Variants in LGR4 observed in about 807,000 individuals in gnomAD.
The protein encoded by LGR4 is leucine-rich repeat-containing G protein-coupled receptor 4.
LGR4 carries 44 observed loss-of-function variants against 84.8 expected under a neutral mutation model. That is an observed-to-expected ratio of 0.52 (90% CI 0.41 to 0.67). The LOEUF (loss-of-function observed/expected upper bound fraction) is 0.67, where lower values mean the gene tolerates loss of function less well. Among genes scored for constraint, LGR4 ranks in the 30% least tolerant of loss-of-function variants. The pLI is 0.00. For synonymous variants in LGR4, 429 were observed against 434.3 expected (o/e 0.99, Z 0.15); for missense variants, 1,032 against 1,131.4 (o/e 0.91, Z 1.26).
chr11:27,382,093 G>T, intron 7 of LGR4, 95 bp downstream of exon 7: 1 of 816,166 alleles, frequency 1.2e-6, no homozygotes, highest in Non-Finnish European at 2.1e-6. Flanking sequence ...ATGGATATAC[G>T]TAATGGAACA....
intron 1 of LGR4, among the ~76,000 whole-genome samples, chr11:27,428,139 C>G (rs1402355351): frequency 1.4e-5 from 2 of 145,464 alleles, no homozygotes; most frequent in East Asian, 4.0e-4. Context: ...ATCTTGCATT[C>G]TTTTTTTTTT....
intron 1 of LGR4, among the ~76,000 whole-genome samples, chr11:27,445,883 TA>T (rs5790653): frequency 0.013 from 1,932 of 146,484 alleles, 44 homozygotes; most frequent in African/African-American, 0.046. Flanking sequence ...TCTCAAAAAA[TA>T]AAAAAAAAAA....
At chr11:27,434,422 C>T (rs1160928228) in intron 1 of LGR4, among the ~76,000 whole-genome samples, 3 of 152,220 alleles carry the variant, frequency 2.0e-5, no homozygotes, top group Admixed American at 1.3e-4. Context: ...GTTTACATCT[C>T]ATTTCCCCTT....
rs950510099 is a variant in LGR4 at position 27,460,906 on chromosome 11, T to A, written c.185+11212A>T. ...AACATCTCAAACTTTTTTTTTTTTT[T>A]AAAGAAGGAGACCCAGGGTAGAAAA... On this transcript the variant is annotated intron_variant, in intron 1 of 17. Transcript: ENST00000379214. 2.0e-5 allele frequency among the ~76,000 whole-genome samples: 3 copies of A among 151,780 alleles called. No homozygotes were observed. In the East Asian group the frequency reaches 5.8e-4, roughly 29 times the overall value.
intron 1 of LGR4, among the ~76,000 whole-genome samples, chr11:27,440,979 T>C (rs1252099348): frequency 2.0e-5 from 3 of 152,190 alleles, no homozygotes; most frequent in Non-Finnish European, 4.4e-5. Context: ...CACAAAGCAC[T>C]TTTATGCTCG....
chr11:27,430,341 A>G (rs1864095104), intron 1 of LGR4, among the ~76,000 whole-genome samples: 1 of 152,188 alleles, frequency 6.6e-6, no homozygotes, highest in African/African-American at 2.4e-5. Flanking sequence ...CTCCACGTTA[A>G]CAGGGCTAAA....
intron 1 of LGR4, among the ~76,000 whole-genome samples, chr11:27,461,269 G>A (rs1389603536): frequency 1.3e-5 from 2 of 151,764 alleles, no homozygotes; most frequent in Non-Finnish European, 2.9e-5. Flanking sequence ...TTCAGAGGCT[G>A]AGGCAGGAGG....
chr11:27,459,882 G>T (rs960871573), intron 1 of LGR4, among the ~76,000 whole-genome samples: 1 of 151,958 alleles, frequency 6.6e-6, no homozygotes, highest in South Asian at 2.1e-4. Context: ...CCTGAGGTCA[G>T]GAGTTCGAGA....
intron 1 of LGR4, among the ~76,000 whole-genome samples, chr11:27,420,858 T>G (rs529374224): frequency 6.6e-6 from 1 of 152,142 alleles, no homozygotes; most frequent in Admixed American, 6.5e-5. Flanking sequence ...GTCAAAGAGA[T>G]AAAACCATCA....
chr11:27,470,924 AT>A (rs924994866), intron 1 of LGR4, among the ~76,000 whole-genome samples: 1 of 151,862 alleles, frequency 6.6e-6, no homozygotes, highest in African/African-American at 2.4e-5. Flanking sequence ...CTGCATAAAG[AT>A]TTCTTCACAG....
At chr11:27,380,420 C>T in intron 9 of LGR4, 81 bp from the exon 10 acceptor site, 1 of 983,642 alleles carries the variant, frequency 1.0e-6, no homozygotes, top group Non-Finnish European at 1.5e-6. Context: ...AATTACAGTG[C>T]AACTATAACT....
At chr11:27,447,071 ATATACCTAATG>A (rs1864403694) in intron 1 of LGR4, among the ~76,000 whole-genome samples, 1 of 152,040 alleles carries the variant, frequency 6.6e-6, no homozygotes, top group Admixed American at 6.6e-5. Context: ...GCATTAGGAG[ATATACCTAATG>A]TAAACGACAA....
At chr11:27,471,893 G>T (rs555891489) in intron 1 of LGR4, 9 of 341,516 alleles carry the variant, frequency 2.6e-5, no homozygotes, top group African/African-American at 1.9e-4. Context: ...GTCTGGGAAC[G>T]AAAGCTACTG....
intron 2 of LGR4, among the ~76,000 whole-genome samples, chr11:27,402,358 T>C (rs2133387648): frequency 6.6e-6 from 1 of 152,234 alleles, no homozygotes; most frequent in Middle Eastern, 3.4e-3. Flanking sequence ...CTGAATATTC[T>C]ATGTGGAGTG....
intron 2 of LGR4, among the ~76,000 whole-genome samples, chr11:27,399,612 T>C (rs969250250): frequency 4.3e-4 from 66 of 151,954 alleles, no homozygotes; most frequent in Admixed American, 5.9e-4. Context: ...CTCAGCCTCC[T>C]GGGTTCAAGC....
Position 27,382,177 on chromosome 11 carries a change from G to A in LGR4, c.758+11C>T. On this transcript the variant is annotated intron_variant, in intron 7 of 17. Coordinates refer to ENST00000379214, the MANE Select transcript of LGR4 (RefSeq NM_018490.5). The stretch of plus-strand genomic sequence containing the variant: ...GATATGAAGACATAAAGAGAATGAA[G>A]CAATACTCACAGCTCTTTAAGGCTA... 2 of 1,556,782 alleles carry A rather than the reference G, an allele frequency of 1.3e-6. No homozygotes were observed. The highest frequency in any genetic ancestry group is 8.9e-7 in the Non-Finnish European group (1 of 1,129,880).
chr11:27,384,419 A>G lies in LGR4; in HGVS notation c.618-12T>C, dbSNP rs776691629. The G allele has an allele frequency of 1.9e-6, 3 of 1,584,930 alleles. No homozygotes were observed. The highest frequency in any genetic ancestry group is 1.1e-5 in the South Asian group (1 of 89,662). On this transcript the variant is annotated splice_polypyrimidine_tract_variant and intron_variant, in intron 5 of 17. Transcript: ENST00000379214. ...TGTTATGAAGATGCCTAAGGGGGAA[A>G]AAAAGCATAAAATGACTTTTCCATC...
intron 13 of LGR4, among the ~76,000 whole-genome samples, chr11:27,374,717 A>G (rs1051706858): frequency 6.6e-6 from 1 of 152,162 alleles, no homozygotes; most frequent in Non-Finnish European, 1.5e-5. Context: ...AGGAAACTCA[A>G]CACACTTGGT....
chr11:27,380,837 T>C (rs1863078329), intron 8 of LGR4, 58 bp downstream of exon 8: 1 of 1,219,596 alleles, frequency 8.2e-7, no homozygotes, highest in Non-Finnish European at 1.2e-6. Flanking sequence ...GTGTTTGGCA[T>C]TGTACGGACA....
Sources: allele counts gnomAD v4.1 joint callset (sites outside exome capture counted in the v4.1 genomes callset), GRCh38; gene constraint gnomAD v4.1.1; transcripts MANE v1.5; gene names NCBI Gene and HGNC (gene_info 2026-07-23, HGNC 2026-07-21).